Variants in EML6 observed in about 807,000 individuals in gnomAD.
EML6 encodes the protein EMAP like 6.
In EML6, 154 loss-of-function variants were observed where a neutral mutation model predicts 240.1. That is an observed-to-expected ratio of 0.64 (90% CI 0.56 to 0.73). The LOEUF (loss-of-function observed/expected upper bound fraction) is 0.73. Among genes scored for constraint, EML6 ranks in the 30% least tolerant of loss-of-function variants. The pLI is 0.00. For missense variants in EML6, 2,964 were observed against 2,474.6 expected, an observed-to-expected ratio of 1.20 and a Z score of -4.20; for synonymous variants, 1,148 against 899.0, an observed-to-expected ratio of 1.28 and a Z score of -4.95.
At chr2:54,939,814 C>G (rs999457125) in intron 28 of EML6, among the ~76,000 whole-genome samples, 3 of 152,176 alleles carry the variant, frequency 2.0e-5, no homozygotes, top group African/African-American at 7.2e-5. Flanking sequence ...ATTCCTCTCC[C>G]AATTCTCTGT....
At chr2:54,847,647 T>C (rs1255197285) in intron 9 of EML6, 24 bp downstream of exon 9, 13 of 1,549,952 alleles carry the variant, frequency 8.4e-6, no homozygotes, top group East Asian at 4.9e-5. Context: ...TTGAAAATGG[T>C]ATTTAGAAAT....
intron 21 of EML6, among the ~76,000 whole-genome samples, chr2:54,897,658 A>G (rs984895626): frequency 6.7e-6 from 1 of 150,052 alleles, no homozygotes; most frequent in Non-Finnish European, 1.5e-5. Flanking sequence ...GATGTTAGTT[A>G]CCATCTTTGC....
At chr2:54,959,313 G>A (rs1240618283) in intron 34 of EML6, 52 bp downstream of exon 34, 2 of 1,461,724 alleles carry the variant, frequency 1.4e-6, no homozygotes, top group East Asian at 5.1e-5. Flanking sequence ...TATCTTGGGA[G>A]AAACTGACAA....
chr2:54,949,566 C>T (rs1675869639), intron 29 of EML6, among the ~76,000 whole-genome samples: 1 of 152,206 alleles, frequency 6.6e-6, no homozygotes, highest in African/African-American at 2.4e-5. Flanking sequence ...CAGAGGCCTC[C>T]TGACTGTTCT....
In EML6 at chr2:54,892,540, G is replaced by T; in HGVS notation, c.2626G>T (p.Asp876Tyr). ...GTGTGTTTCTTACGGACGAATGGAA[G>T]ATCTAGTGTTCTCAGGAGCAGCTAC... ...MMCVSYGRMEDLVFSGAATGD... is the reference protein window; with the variant it reads ...MMCVSYGRMEYLVFSGAATGD... Residue 876 changes from aspartate to tyrosine, a missense_variant, in exon 19 of 42, where the codon GAT becomes TAT. Coordinates refer to ENST00000356458, the MANE Select transcript of EML6 (RefSeq NM_001039753.4). 1 of 1,551,334 alleles carries T rather than the reference G, an allele frequency of 6.4e-7. No individual in the cohort carries two copies.
At chr2:54,922,825 T>C in intron 26 of EML6, among the ~76,000 whole-genome samples, 1 of 151,746 alleles carries the variant, frequency 6.6e-6, no homozygotes, top group Non-Finnish European at 1.5e-5. Flanking sequence ...ATCTCACATA[T>C]ACGTGGAAGC....
intron 2 of EML6, among the ~76,000 whole-genome samples, chr2:54,741,814 A>G (rs1353191950): frequency 2.0e-5 from 3 of 152,264 alleles, no homozygotes; most frequent in Non-Finnish European, 4.4e-5. Context: ...AGTGATATAA[A>G]TAACTCAATG....
intron 8 of EML6, among the ~76,000 whole-genome samples, chr2:54,845,819 A>T (rs933732010): frequency 6.6e-6 from 1 of 152,172 alleles, no homozygotes; most frequent in African/African-American, 2.4e-5. Flanking sequence ...CTGATGGCAG[A>T]ATGCTTTGAG....
At position 54,934,447 on chromosome 2, in the gene EML6, A is replaced by G. The variant is rs58076861; in HGVS notation, c.4004+5696A>G. ...TCAATTTTTAGACATCTGCCAGGAGACCCACATTTCAGGTCAATCTAAATT... is the reference window on the plus strand; with the variant it reads ...TCAATTTTTAGACATCTGCCAGGAGGCCCACATTTCAGGTCAATCTAAATT... On this transcript the variant is annotated intron_variant, in intron 28 of 41. Coordinates refer to ENST00000356458, the MANE Select transcript of EML6 (RefSeq NM_001039753.4). Among the ~76,000 whole-genome samples, 590 of 152,156 alleles carry G rather than the reference A, an allele frequency of 3.9e-3. 4 individuals carry two copies. Among genetic ancestry groups the G allele is most frequent in the African/African-American group, 0.014 (566 of 41,502 alleles).
At chr2:54,737,601 C>T (rs1683454592) in intron 2 of EML6, among the ~76,000 whole-genome samples, 2 of 152,186 alleles carry the variant, frequency 1.3e-5, no homozygotes, top group Non-Finnish European at 1.5e-5. Flanking sequence ...CTTTTCTCTT[C>T]ATGCCATGCT....
At chr2:54,860,909 G>A (rs143538733) in intron 12 of EML6, among the ~76,000 whole-genome samples, 33 of 152,316 alleles carry the variant, frequency 2.2e-4, no homozygotes, top group African/African-American at 7.9e-4. Context: ...TGCTCTGGGA[G>A]CAGAAGGGAC....
At chr2:54,868,774 G>A (rs769824685) in intron 14 of EML6, 11 of 161,320 alleles carry the variant, frequency 6.8e-5, no homozygotes, top group Admixed American at 1.9e-4. Flanking sequence ...CCCCTGGAAG[G>A]GTCTGTGTCC....
intron 26 of EML6, among the ~76,000 whole-genome samples, chr2:54,921,090 G>A (rs1416807831): frequency 2.0e-5 from 3 of 151,844 alleles, no homozygotes; most frequent in African/African-American, 7.3e-5. Context: ...TAAGGAACAA[G>A]ACAAGGAAGT....
rs779094042 is a variant in EML6 at position 54,797,176 on chromosome 2, A to AAAAAC, written c.198-16052_198-16051insCAAAA. 4.2e-4 allele frequency among the ~76,000 whole-genome samples: 59 copies of AAAAAC among 141,776 alleles called. 3 individuals are homozygous for AAAAAC. The East Asian group carries it at 0.011, about 27-fold the overall frequency. The allele number at this position is 141,776 out of a possible 152,430, so 93.0% of individuals were successfully genotyped here. On this transcript the variant is annotated intron_variant, in intron 2 of 41. Coordinates refer to ENST00000356458, the MANE Select transcript of EML6 (RefSeq NM_001039753.4). ...CAAGACTCCATCTCAAAAAAAAAAA[A>AAAAAC]AAAAAAAAAAAAACTGTGATCTTGT... is the stretch of plus-strand genomic sequence containing the variant.
Position 54,954,066 on chromosome 2 carries a change from A to G in EML6, c.4396A>G (p.Asn1466Asp). 1.3e-6 allele frequency: 2 copies of G among 1,551,636 alleles called. No homozygotes were observed. Among genetic ancestry groups the G allele is most frequent in the Non-Finnish European group, 1.7e-6 (2 of 1,146,958 alleles). ...GCGGTGCTTCCACTCCAAGGGGGTG[A>G]ATTACATCAACTTCAGTGCAACTGG... ...MLRCFHSKGV[N>D]YINFSATGKL... The change falls in exon 32 of 42, where the codon AAT becomes GAT. Residue 1466 changes from asparagine (N) to aspartate (D), a missense_variant. By Grantham distance (23) the Asn-to-Asp change is conservative. Coordinates refer to ENST00000356458, the MANE Select transcript of EML6 (RefSeq NM_001039753.4).
At chr2:54,907,544 A>G (rs1232376466) in intron 24 of EML6, among the ~76,000 whole-genome samples, 1 of 152,190 alleles carries the variant, frequency 6.6e-6, no homozygotes, top group East Asian at 1.9e-4. Flanking sequence ...GAGCCATAAT[A>G]GGACATTTCA....
intron 2 of EML6, among the ~76,000 whole-genome samples, chr2:54,766,861 C>T (rs17046310): frequency 0.1 from 15,138 of 151,984 alleles, 1,468 homozygotes; most frequent in East Asian, 0.31. Context: ...TAATTGTCTT[C>T]GTCATTATAT....
At chr2:54,960,558 C>G (rs998475189) in intron 35 of EML6, among the ~76,000 whole-genome samples, 1 of 152,182 alleles carries the variant, frequency 6.6e-6, no homozygotes, top group African/African-American at 2.4e-5. Flanking sequence ...GTCCAGCACA[C>G]AGGTTTGTCA....
At chr2:54,732,666 A>G in intron 2 of EML6, among the ~76,000 whole-genome samples, 1 of 152,240 alleles carries the variant, frequency 6.6e-6, no homozygotes, top group South Asian at 2.1e-4. Flanking sequence ...AATGGAAATA[A>G]TCATTAAAGA....
Sources: allele counts gnomAD v4.1 joint callset (sites outside exome capture counted in the v4.1 genomes callset), GRCh38; gene constraint gnomAD v4.1.1; transcripts MANE v1.5; gene names NCBI Gene and HGNC (gene_info 2026-07-23, HGNC 2026-07-21).